Variants in C1QL1 observed in about 807,000 individuals in gnomAD.
C1QL1 encodes the protein complement C1q like 1, also known as C1q-related factor.
C1QL1 carries 15 observed loss-of-function variants against 14.2 expected under a neutral mutation model. The observed-to-expected ratio is 1.06, with a 90% CI of 0.71 to 1.62. C1QL1 has a LOEUF of 1.62. C1QL1 is among the 40% of genes most tolerant of loss of function. The probability of loss-of-function intolerance (pLI) is 0.00; values close to 1 mark genes in which losing one functional copy is unlikely to be tolerated. For synonymous variants in C1QL1, 172 were observed against 172.4 expected, an observed-to-expected ratio of 1.00 and a Z score of 0.02; for missense variants, 346 against 380.3, an observed-to-expected ratio of 0.91 and a Z score of 0.75.
chr17:44,967,441 G>A lies in C1QL1; in HGVS notation c.597+11C>T, dbSNP rs745556191. The A allele has an allele frequency of 3.7e-6, 6 of 1,611,774 alleles. No homozygotes were observed. The highest frequency in any genetic ancestry group is 3.3e-5 in the Admixed American group (2 of 59,800). On this transcript the variant is annotated intron_variant, in intron 1 of 1. Transcript: ENST00000253407. This position sits in a 1 kb window ranked among gnomAD's most constrained non-coding sequence, Gnocchi z 7.0. ...GGGCCCAGCCCAGCCCCATGCCCCC[G>A]CCTGGCCCACCTGGCCATTCTTGCA...
intron 1 of C1QL1, among the ~76,000 whole-genome samples, chr17:44,962,721 A>G (rs964504424): frequency 1.4e-4 from 22 of 152,194 alleles, no homozygotes; most frequent in African/African-American, 4.8e-4. Context: ...TACTACTAAT[A>G]ACAATTATTT....
Position 44,967,417 on chromosome 17 carries a change from G to GGCCCA in C1QL1, c.597+30_597+34dup. 1 of 1,601,824 alleles carries GGCCCA rather than the reference G, an allele frequency of 6.2e-7. No individual in the cohort carries two copies. Among genetic ancestry groups the GGCCCA allele is most frequent in the Non-Finnish European group, 8.5e-7 (1 of 1,173,872 alleles). On this transcript the variant is annotated intron_variant, in intron 1 of 1. Coordinates refer to ENST00000253407, the MANE Select transcript of C1QL1 (RefSeq NM_006688.5). This position sits in a 1 kb window ranked among gnomAD's most constrained non-coding sequence, Gnocchi z 7.0. ...TGCCCCGGGCTCCCTGGGTGCCCTGGGCCCAGCCCAGCCCCATGCCCCCGC... is the reference window on the plus strand; with the variant it reads ...TGCCCCGGGCTCCCTGGGTGCCCTGGGCCCAGCCCAGCCCAGCCCCATGCCCCCGC...
chr17:44,964,232 G>T (rs1257176719), intron 1 of C1QL1, among the ~76,000 whole-genome samples: 2 of 152,332 alleles, frequency 1.3e-5, no homozygotes, highest in African/African-American at 4.8e-5. Flanking sequence ...CCTCTCTACA[G>T]GCAGGAAGCC....
intron 1 of C1QL1, among the ~76,000 whole-genome samples, chr17:44,963,754 A>G (rs79131183): frequency 1.3e-5 from 2 of 151,918 alleles, no homozygotes; most frequent in Non-Finnish European, 2.9e-5. Context: ...ACCACCTTCA[A>G]TTTATATATG....
chr17:44,961,636 C>T (rs915009634), intron 1 of C1QL1, among the ~76,000 whole-genome samples: 2 of 150,764 alleles, frequency 1.3e-5, no homozygotes, highest in Non-Finnish European at 3.0e-5. Flanking sequence ...CCTGTAATCC[C>T]AGCACTTTGG....
In C1QL1 at chr17:44,960,062, G is replaced by C. The variant is rs1026709761; in HGVS notation, c.*126C>G. The C allele has an allele frequency of 1.2e-6, 1 of 852,610 alleles. No individual in the cohort carries two copies. The highest frequency in any genetic ancestry group is 1.9e-6 in the Non-Finnish European group (1 of 513,024). 52.8% of individuals were successfully genotyped at this position (852,610 alleles called of 1,614,324 possible). ...GTGGCCCAGGCGGTGTTGAGCACGG[G>C]CCGGGGGCGTCATAGCCGGGGAGGG... On this transcript the variant is annotated 3_prime_UTR_variant, in exon 2 of 2. Coordinates refer to ENST00000253407, the MANE Select transcript of C1QL1 (RefSeq NM_006688.5).
Position 44,960,151 on chromosome 17 carries a change from C to A in C1QL1, c.*37G>T. The A allele has an allele frequency of 6.3e-7, 1 of 1,596,304 alleles. No individual in the cohort carries two copies. The highest frequency in any genetic ancestry group is 1.7e-4 in the Middle Eastern group (1 of 5,862). ...CTGCCCCGCCCGGAGGGGACCCCGGCGGGTGAGGGACGTGGGTGGAGGGAG... is the reference window on the plus strand; with the variant it reads ...CTGCCCCGCCCGGAGGGGACCCCGGAGGGTGAGGGACGTGGGTGGAGGGAG... On this transcript the variant is annotated 3_prime_UTR_variant, in exon 2 of 2. Transcript: ENST00000253407.
chr17:44,964,788 CG>C (rs916990086), intron 1 of C1QL1, among the ~76,000 whole-genome samples: 1 of 152,094 alleles, frequency 6.6e-6, no homozygotes, highest in Non-Finnish European at 1.5e-5. Context: ...GAGGGGGCTA[CG>C]GGCCCCACTA....
At chr17:44,964,604 T>C (rs2052646614) in intron 1 of C1QL1, among the ~76,000 whole-genome samples, 1 of 152,200 alleles carries the variant, frequency 6.6e-6, no homozygotes, top group Non-Finnish European at 1.5e-5. Context: ...TGTGGTTGTA[T>C]GTTATGAATG....
chr17:44,968,284 T>G lies in C1QL1; in HGVS notation c.-236A>C, dbSNP rs2052670400. Among the ~76,000 whole-genome samples, 1 of 147,536 alleles carries G rather than the reference T, an allele frequency of 6.8e-6. No homozygotes were observed. Among genetic ancestry groups the G allele is most frequent in the African/African-American group, 2.5e-5 (1 of 40,554 alleles). On this transcript the variant is annotated 5_prime_UTR_variant, in exon 1 of 2. Coordinates refer to ENST00000253407, the MANE Select transcript of C1QL1 (RefSeq NM_006688.5). ...CGCCGGCTCCTGCCTCGCGCCTCCC[T>G]CCTGCTGCGCTGCCGGACTGAGCGC...
chr17:44,964,564 C>T (rs1203505257), intron 1 of C1QL1, among the ~76,000 whole-genome samples: 1 of 152,234 alleles, frequency 6.6e-6, no homozygotes, highest in Non-Finnish European at 1.5e-5. Context: ...GGGCTCCCAG[C>T]CCACCTTTAA....
intron 1 of C1QL1, among the ~76,000 whole-genome samples, chr17:44,966,111 GGA>G (rs1053972811): frequency 1.3e-5 from 2 of 152,218 alleles, no homozygotes; most frequent in Non-Finnish European, 2.9e-5. Flanking sequence ...GGCAGACACA[GGA>G]GAGAGATGGA....
At chr17:44,965,859 T>C (rs1028509209) in intron 1 of C1QL1, among the ~76,000 whole-genome samples, 2 of 152,164 alleles carry the variant, frequency 1.3e-5, no homozygotes, top group African/African-American at 2.4e-5. Context: ...AGACATTCCA[T>C]TGATGAAGGT....
chr17:44,962,120 G>T, intron 1 of C1QL1, among the ~76,000 whole-genome samples: 1 of 152,196 alleles, frequency 6.6e-6, no homozygotes, highest in Non-Finnish European at 1.5e-5. Context: ...TCTCAGCCAG[G>T]TTTCTCCACG....
Position 44,959,802 on chromosome 17 carries a change from G to A in C1QL1, c.*386C>T. ...AGCCCCCAACTCCCCCCTCCCCCGG[G>A]CGCGCCACCCCGGAGGGAGCGGAGG... On this transcript the variant is annotated 3_prime_UTR_variant, in exon 2 of 2. Transcript: ENST00000253407. 2 of 182,520 alleles carry A rather than the reference G, an allele frequency of 1.1e-5. No individual in the cohort carries two copies. Among genetic ancestry groups the A allele is most frequent in the Non-Finnish European group, 1.1e-5 (1 of 88,708 alleles). The allele number at this position is 182,520 out of a possible 1,614,324, so 11.3% of individuals were successfully genotyped here.
intron 1 of C1QL1, among the ~76,000 whole-genome samples, chr17:44,963,322 A>G (rs1240974175): frequency 6.6e-6 from 1 of 152,142 alleles, no homozygotes; most frequent in African/African-American, 2.4e-5. Flanking sequence ...CTGCATTCCC[A>G]CTGTGCCAGG....
intron 1 of C1QL1, among the ~76,000 whole-genome samples, chr17:44,964,601 G>T (rs551557225): frequency 1.3e-5 from 2 of 152,302 alleles, no homozygotes; most frequent in South Asian, 4.1e-4. Context: ...GCGTGTGGTT[G>T]TATGTTATGA....
chr17:44,967,943 G>C lies in C1QL1; in HGVS notation c.106C>G (p.Pro36Ala), dbSNP rs1303220110. The change falls in exon 1 of 2, where the codon CCC becomes GCC. Residue 36 changes from proline (P) to alanine (A), a missense_variant. Coordinates refer to ENST00000253407, the MANE Select transcript of C1QL1 (RefSeq NM_006688.5). The surrounding 1 kb of genome is among the most constrained non-coding windows in gnomAD (Gnocchi z 7.0). ...GTCRMVCDPY[P>A]ARGPGAGART... The stretch of plus-strand genomic sequence containing the variant: ...GCGCCGGCGCCGGGGCCCCGCGCGG[G>C]GTAGGGGTCGCACACCATGCGGCAG... The C allele has an allele frequency of 7.6e-7, 1 of 1,310,272 alleles. No homozygotes were observed. Among genetic ancestry groups the C allele is most frequent in the Non-Finnish European group, 9.7e-7 (1 of 1,034,292 alleles). 81.2% of individuals were successfully genotyped at this position (1,310,272 alleles called of 1,614,324 possible).
rs1290741898 is a variant in C1QL1, at chr17:44,960,143, G to T, written c.*45C>A. ...GTCATCGTCTGCCCCGCCCGGAGGGGACCCCGGCGGGTGAGGGACGTGGGT... is the reference window on the plus strand; with the variant it reads ...GTCATCGTCTGCCCCGCCCGGAGGGTACCCCGGCGGGTGAGGGACGTGGGT... On this transcript the variant is annotated 3_prime_UTR_variant, in exon 2 of 2. Coordinates refer to ENST00000253407, the MANE Select transcript of C1QL1 (RefSeq NM_006688.5). 6.3e-7 allele frequency: 1 copy of T among 1,577,054 alleles called. No homozygotes were observed. The highest frequency in any genetic ancestry group is 8.7e-7 in the Non-Finnish European group (1 of 1,148,412).
Sources: allele counts gnomAD v4.1 joint callset (sites outside exome capture counted in the v4.1 genomes callset), GRCh38; gene constraint gnomAD v4.1.1; non-coding constraint Gnocchi (gnomAD v3.1); transcripts MANE v1.5; gene names NCBI Gene and HGNC (gene_info 2026-07-23, HGNC 2026-07-21).